Variants in PRKG1 observed in about 807,000 individuals in gnomAD.
The protein encoded by PRKG1 is protein kinase cGMP-dependent 1.
PRKG1 carries 35 observed loss-of-function variants against 88.1 expected under a neutral mutation model. The ratio of observed to expected loss-of-function variants is 0.40; its 90% CI spans 0.30 to 0.53. The LOEUF (loss-of-function observed/expected upper bound fraction) is 0.53, where lower values mean the gene tolerates loss of function less well. PRKG1 is among the 20% of genes least tolerant of loss of function. The pLI is 0.59. For missense variants in PRKG1, 540 were observed against 839.8 expected (o/e 0.64, Z 4.41); for synonymous variants, 303 against 292.5 (o/e 1.04, Z -0.37).
At chr10:51,976,461 A>G (rs911030191) in intron 5 of PRKG1, among the ~76,000 whole-genome samples, 17 of 152,102 alleles carry the variant, frequency 1.1e-4, no homozygotes, top group Admixed American at 5.2e-4. Flanking sequence ...AAACTGGATA[A>G]ACCTTAAAAA....
At chr10:51,886,478 T>G (rs940558448) in intron 4 of PRKG1, among the ~76,000 whole-genome samples, 1 of 152,186 alleles carries the variant, frequency 6.6e-6, no homozygotes. Context: ...GTACTTTTCA[T>G]GTAATATAGC....
chr10:51,785,934 G>A (rs954645619), intron 3 of PRKG1, among the ~76,000 whole-genome samples: 1 of 152,150 alleles, frequency 6.6e-6, no homozygotes, highest in Non-Finnish European at 1.5e-5. Flanking sequence ...TAACGCATCT[G>A]TAGCTAGTAA....
chr10:51,844,261 T>C (rs1840348266), intron 4 of PRKG1, among the ~76,000 whole-genome samples: 1 of 152,140 alleles, frequency 6.6e-6, no homozygotes, highest in South Asian at 2.1e-4. Flanking sequence ...CTTGATGACT[T>C]TAAGGTAACT....
At chr10:51,632,958 C>T (rs1266415639) in intron 3 of PRKG1, among the ~76,000 whole-genome samples, 1 of 152,132 alleles carries the variant, frequency 6.6e-6, no homozygotes, top group Non-Finnish European at 1.5e-5. Flanking sequence ...CTATAAAATT[C>T]CTATTTTTAG....
chr10:51,384,399 G>C (rs922760863), intron 2 of PRKG1, among the ~76,000 whole-genome samples: 2 of 152,286 alleles, frequency 1.3e-5, no homozygotes, highest in East Asian at 3.9e-4. Context: ...GAGGGATGCA[G>C]GCAGGCAGAG....
intron 2 of PRKG1, among the ~76,000 whole-genome samples, chr10:51,334,060 A>T (rs1026248721): frequency 1.3e-5 from 2 of 151,814 alleles, no homozygotes; most frequent in South Asian, 2.1e-4. Flanking sequence ...AAGGCCATTT[A>T]TGTCTCATCT....
intron 1 of PRKG1, among the ~76,000 whole-genome samples, chr10:51,095,861 T>G (rs1308063205): frequency 6.6e-6 from 1 of 152,158 alleles, no homozygotes; most frequent in Admixed American, 6.6e-5. Context: ...CTTCATTTTA[T>G]TGAAGTCATA....
rs1248210107 is a variant in PRKG1 at position 51,329,146 on chromosome 10, A to T, written c.479-138577A>T. On this transcript the variant is annotated intron_variant, in intron 2 of 17. Coordinates refer to ENST00000373980, the MANE Select transcript of PRKG1 (RefSeq NM_006258.4). Reference sequence around the variant, plus strand: ...ATCCAAAAATTCATTGCCCAGGCCAATGTCATGGAACCTTTTCCCTAGGTT... The same window carrying T: ...ATCCAAAAATTCATTGCCCAGGCCATTGTCATGGAACCTTTTCCCTAGGTT... Among the ~76,000 whole-genome samples the T allele has an allele frequency of 2.6e-5, 4 of 152,302 alleles. No homozygotes were observed. The East Asian group carries it at 5.8e-4, about 22-fold the overall frequency.
chr10:51,392,899 G>A (rs1378285254), intron 2 of PRKG1, among the ~76,000 whole-genome samples: 6 of 69,736 alleles, frequency 8.6e-5, no homozygotes, highest in Non-Finnish European at 2.4e-4. Flanking sequence ...CGGCTGGCCG[G>A]GTGGGGGGCT....
chr10:51,312,742 T>C (rs932522751), intron 2 of PRKG1, among the ~76,000 whole-genome samples: 2 of 151,762 alleles, frequency 1.3e-5, no homozygotes, highest in Admixed American at 1.3e-4. Context: ...AACTTATTTA[T>C]AGACTCATAG....
chr10:51,488,129 A>G (rs980771799), intron 3 of PRKG1, among the ~76,000 whole-genome samples: 2 of 152,200 alleles, frequency 1.3e-5, no homozygotes, highest in Non-Finnish European at 2.9e-5. Context: ...TAAATGCCAA[A>G]TCAGCTATGG....
chr10:51,507,882 T>C (rs1841272374), intron 3 of PRKG1, among the ~76,000 whole-genome samples: 1 of 152,192 alleles, frequency 6.6e-6, no homozygotes, highest in African/African-American at 2.4e-5. Flanking sequence ...GCTTTTCTAA[T>C]AATGAACTCT....
At chr10:51,755,119 G>T (rs1407038423) in intron 3 of PRKG1, among the ~76,000 whole-genome samples, 1 of 151,572 alleles carries the variant, frequency 6.6e-6, no homozygotes, top group Non-Finnish European at 1.5e-5. Flanking sequence ...CTTATTTACT[G>T]AGTTAACCAA....
chr10:51,768,207 T>C (rs1412295986), intron 3 of PRKG1, among the ~76,000 whole-genome samples: 3 of 152,138 alleles, frequency 2.0e-5, no homozygotes, highest in African/African-American at 4.8e-5. Flanking sequence ...ATGGCATTAT[T>C]ACAAAATGCT....
intron 4 of PRKG1, among the ~76,000 whole-genome samples, chr10:51,906,111 A>T (rs77503637): frequency 1.6e-3 from 248 of 152,286 alleles, no homozygotes; most frequent in Non-Finnish European, 2.5e-3. Flanking sequence ...ATCTGAATGC[A>T]TCATCAATCA....
chr10:51,570,656 T>C (rs915252119), intron 3 of PRKG1, among the ~76,000 whole-genome samples: 3 of 151,802 alleles, frequency 2.0e-5, no homozygotes, highest in Non-Finnish European at 4.4e-5. Flanking sequence ...TATTTTGACC[T>C]GTCGAATTTT....
chr10:51,707,135 G>C lies in PRKG1; in HGVS notation c.593-97450G>C, dbSNP rs143592980. Among the ~76,000 whole-genome samples, 5 of 152,268 alleles carry C rather than the reference G, an allele frequency of 3.3e-5. No homozygotes were observed. The East Asian group carries it at 7.7e-4, about 23-fold the overall frequency. ...GTTGAAATGGATACTTTTTAGGCTT[G>C]ATCCCATAGAATACTTCAATGAGAA... On this transcript the variant is annotated intron_variant, in intron 3 of 17. Coordinates refer to ENST00000373980, the MANE Select transcript of PRKG1 (RefSeq NM_006258.4).
intron 1 of PRKG1, among the ~76,000 whole-genome samples, chr10:51,020,016 A>G (rs1256735992): frequency 6.6e-6 from 1 of 152,188 alleles, no homozygotes; most frequent in Non-Finnish European, 1.5e-5. Flanking sequence ...TGGCAAGGAT[A>G]TGGAAAAATT....
chr10:51,093,039 G>A (rs865815360), intron 1 of PRKG1, among the ~76,000 whole-genome samples: 2 of 152,122 alleles, frequency 1.3e-5, no homozygotes, highest in Non-Finnish European at 2.9e-5. Flanking sequence ...ACTACGAATC[G>A]TTGTGCAGGT....
Sources: allele counts gnomAD v4.1 joint callset (sites outside exome capture counted in the v4.1 genomes callset), GRCh38; gene constraint gnomAD v4.1.1; transcripts MANE v1.5; gene names NCBI Gene and HGNC (gene_info 2026-07-23, HGNC 2026-07-21).